Variants in CHPT1 observed in about 807,000 individuals in gnomAD.
CHPT1 encodes cholinephosphotransferase 1.
A neutral mutation model predicts 47.6 loss-of-function variants in CHPT1; 36 were observed. The ratio of observed to expected loss-of-function variants is 0.76; its 90% CI spans 0.58 to 1.00. The LOEUF is 1.00. CHPT1 is among the 50% of genes least tolerant of loss of function. The pLI, the probability that CHPT1 is intolerant of heterozygous loss-of-function variation, is 0.00. For synonymous variants in CHPT1, 194 were observed against 186.3 expected, an observed-to-expected ratio of 1.04 and a Z score of -0.33; for missense variants, 458 against 498.1, an observed-to-expected ratio of 0.92 and a Z score of 0.77.
At chr12:101,705,237 GT>G (rs1951614672) in intron 1 of CHPT1, among the ~76,000 whole-genome samples, 1 of 108,450 alleles carries the variant, frequency 9.2e-6, no homozygotes, top group Non-Finnish European at 1.8e-5. Context: ...CTAATTTTGT[GT>G]TTTTAGTAGA....
At chr12:101,723,359 ATATACT>A (rs753093078) in intron 6 of CHPT1, 33 bp downstream of exon 6, 1 of 1,272,910 alleles carries the variant, frequency 7.9e-7, no homozygotes, top group African/African-American at 1.5e-5. Context: ...GATATAAATA[ATATACT>A]TAGTCGTCAA....
chr12:101,721,759 C>G (rs1271522701), intron 5 of CHPT1, among the ~76,000 whole-genome samples: 1 of 152,094 alleles, frequency 6.6e-6, no homozygotes, highest in African/African-American at 2.4e-5. Context: ...TGATCATTGT[C>G]TACTCTAAAG....
chr12:101,723,847 G>T lies in CHPT1; in HGVS notation c.1065G>T (p.Met355Ile), dbSNP rs1566043736. ...AATATGTTGTTCTATGGATGGCAAT[G>T]GTAAGTATTTTTCTCCATTTTATTT... Reference protein sequence around the residue: ...IDEYVVLWMAMVISSFDMVIY... With the variant: ...IDEYVVLWMAIVISSFDMVIY... Residue 355 changes from methionine (M) to isoleucine (I), a missense_variant and splice_region_variant, in exon 7 of 9, where the codon ATG (methionine) becomes ATT (isoleucine). By Grantham distance (10) the Met-to-Ile change is conservative. Transcript: ENST00000229266. 6.6e-7 allele frequency: 1 copy of T among 1,505,210 alleles called. No individual in the cohort carries two copies. The highest frequency in any genetic ancestry group is 9.1e-7 in the Non-Finnish European group (1 of 1,095,460). 93.2% of individuals were successfully genotyped at this position (1,505,210 alleles called of 1,614,324 possible).
At chr12:101,716,678 A>G in intron 3 of CHPT1, 50 bp from the exon 4 acceptor site, 1 of 1,212,016 alleles carries the variant, frequency 8.3e-7, no homozygotes. Context: ...CTCCATATTC[A>G]GGAATTTTAT....
At chr12:101,725,248 A>T (rs1043439198) in intron 7 of CHPT1, among the ~76,000 whole-genome samples, 1 of 152,052 alleles carries the variant, frequency 6.6e-6, no homozygotes, top group Non-Finnish European at 1.5e-5. Flanking sequence ...CATTCTTCCT[A>T]TGGTGGCAGT....
Position 101,723,834 on chromosome 12 carries a change from T to A in CHPT1, c.1052T>A (p.Leu351Gln). The change falls in exon 7 of 9, where the codon CTA (leucine) becomes CAA (glutamine). Residue 351 changes from leucine to glutamine, a missense_variant. Leu to Gln is a moderately radical substitution (Grantham distance 113, BLOSUM62 -2). Transcript: ENST00000229266. Reference sequence around the variant, plus strand: ...AACTTTATAGACGAATATGTTGTTCTATGGATGGCAATGGTAAGTATTTTT... The same window carrying A: ...AACTTTATAGACGAATATGTTGTTCAATGGATGGCAATGGTAAGTATTTTT... The part of the protein sequence containing the change: ...FNNFIDEYVV[L>Q]WMAMVISSFD... The A allele has an allele frequency of 6.6e-7, 1 of 1,518,204 alleles. No individual in the cohort carries two copies. Among genetic ancestry groups the A allele is most frequent in the Non-Finnish European group, 9.1e-7 (1 of 1,104,680 alleles). 94.0% of individuals were successfully genotyped at this position (1,518,204 alleles called of 1,614,324 possible).
intron 4 of CHPT1, chr12:101,717,194 A>T: frequency 2.3e-6 from 1 of 439,342 alleles, no homozygotes; most frequent in Non-Finnish European, 4.6e-6. Context: ...GTCACTCAAT[A>T]TTAGGAAAGT....
chr12:101,700,065 A>G lies in CHPT1; in HGVS notation c.273+1931A>G, dbSNP rs79761707. On this transcript the variant is annotated intron_variant, in intron 1 of 8. Transcript: ENST00000229266. ...ACATTAAAAATATTACTGTTATCAG[A>G]CAACATCCTGAAAACACATAATAAA... Among the ~76,000 whole-genome samples, 661 of 152,386 alleles carry G rather than the reference A, an allele frequency of 4.3e-3. 6 individuals carry two copies. The highest frequency in any genetic ancestry group is 7.7e-3 in the Non-Finnish European group (522 of 68,046).
intron 2 of CHPT1, 114 bp downstream of exon 2, chr12:101,714,351 T>G: frequency 8.3e-7 from 1 of 1,198,416 alleles, no homozygotes. Flanking sequence ...ATGGAGTTGT[T>G]TAAAAAGTAT....
chr12:101,724,820 T>C (rs1347285072), intron 7 of CHPT1, among the ~76,000 whole-genome samples: 3 of 152,174 alleles, frequency 2.0e-5, no homozygotes, highest in Non-Finnish European at 4.4e-5. Context: ...GTTAGCCATC[T>C]AAGGAAAAGA....
In CHPT1 at chr12:101,710,933, A is replaced by G. The variant is rs905427050; in HGVS notation, c.274-3157A>G. On this transcript the variant is annotated intron_variant, in intron 1 of 8. Coordinates refer to ENST00000229266, the MANE Select transcript of CHPT1 (RefSeq NM_020244.3). ...TGACGTGTAACTTTGCTTTCCTTCA[A>G]TCATCAAAATTAAAAACAATTTTTC... Among the ~76,000 whole-genome samples, 3 of 148,672 alleles carry G rather than the reference A, an allele frequency of 2.0e-5. 1 individual carries two copies. The highest frequency in any genetic ancestry group is 4.5e-5 in the Non-Finnish European group (3 of 66,466).
intron 1 of CHPT1, among the ~76,000 whole-genome samples, chr12:101,703,945 A>G (rs1951592158): frequency 6.6e-6 from 1 of 152,210 alleles, no homozygotes; most frequent in African/African-American, 2.4e-5. Flanking sequence ...TCTGGGTAGA[A>G]AGTCTACCTT....
chr12:101,722,707 T>TTA (rs780551300), intron 5 of CHPT1, among the ~76,000 whole-genome samples: 2 of 113,790 alleles, frequency 1.8e-5, no homozygotes, highest in African/African-American at 5.9e-5. Flanking sequence ...CACAAAAAAT[T>TTA]AAAAAAAAAA....
At chr12:101,717,108 G>A (rs1362255683) in intron 4 of CHPT1, 2 of 386,548 alleles carry the variant, frequency 5.2e-6, no homozygotes, top group African/African-American at 4.2e-5. Context: ...ACACACATTG[G>A]AATAACTTTT....
At chr12:101,701,747 AT>A (rs1454362462) in intron 1 of CHPT1, among the ~76,000 whole-genome samples, 2 of 152,100 alleles carry the variant, frequency 1.3e-5, no homozygotes, top group Non-Finnish European at 2.9e-5. Context: ...CATCAAACAG[AT>A]GCTTATAATT....
Position 101,708,721 on chromosome 12 carries a change from TGAGTAG to T in CHPT1, c.274-5368_274-5363del, listed in dbSNP as rs1256260633. Reference sequence around the variant, plus strand: ...AAGCAATTCTCGTGCCTCAGCCTCCTGAGTAGCTGGGATTACAGGAGTATGCCACCA... The same window carrying T: ...AAGCAATTCTCGTGCCTCAGCCTCCTCTGGGATTACAGGAGTATGCCACCA... On this transcript the variant is annotated intron_variant, in intron 1 of 8. Coordinates refer to ENST00000229266, the MANE Select transcript of CHPT1 (RefSeq NM_020244.3). Among the ~76,000 whole-genome samples the T allele has an allele frequency of 3.2e-5, 4 of 126,252 alleles. 1 individual carries two copies. Among genetic ancestry groups the T allele is most frequent in the East Asian group, 2.4e-4 (1 of 4,086 alleles). The allele number at this position is 126,252 out of a possible 152,430, so 82.8% of individuals were successfully genotyped here. A position where few individuals can be genotyped will look rare whatever the true frequency, so the allele number is the denominator to read the frequency against.
At chr12:101,716,500 A>T (rs1594135933) in intron 3 of CHPT1, among the ~76,000 whole-genome samples, 1 of 152,236 alleles carries the variant, frequency 6.6e-6, no homozygotes, top group South Asian at 2.1e-4. Context: ...TATGGTATAT[A>T]TTTTTTTCCC....
chr12:101,724,924 C>T (rs185967340), intron 7 of CHPT1, among the ~76,000 whole-genome samples: 16 of 152,110 alleles, frequency 1.1e-4, no homozygotes, highest in Admixed American at 1.0e-3. Context: ...TGGTTGGTCT[C>T]CAATTAATGG....
chr12:101,698,268 C>CG, intron 1 of CHPT1, 134 bp downstream of exon 1: 14 of 1,267,602 alleles, frequency 1.1e-5, no homozygotes, highest in Non-Finnish European at 1.4e-5. Context: ...GCCACTGCCC[C>CG]GGGCGGTGTC....
Sources: allele counts gnomAD v4.1 joint callset (sites outside exome capture counted in the v4.1 genomes callset), GRCh38; gene constraint gnomAD v4.1.1; transcripts MANE v1.5; gene names NCBI Gene and HGNC (gene_info 2026-07-23, HGNC 2026-07-21).